Variants in PREPL observed in about 807,000 individuals in gnomAD.
PREPL encodes the protein prolyl endopeptidase like, also known as prolyl endopeptidase-like.
In PREPL, 77 loss-of-function variants were observed where a neutral mutation model predicts 70.6. That is an observed-to-expected ratio of 1.09 (90% CI 0.91 to 1.32). The LOEUF (loss-of-function observed/expected upper bound fraction) is 1.32, where lower values mean the gene tolerates loss of function less well. PREPL is among the 40% of genes most tolerant of loss of function. The pLI, the probability that PREPL is intolerant of heterozygous loss-of-function variation, is 0.00. For missense variants in PREPL, 1,002 were observed against 778.2 expected (o/e 1.29, Z -3.42); for synonymous variants, 315 against 264.8 (o/e 1.19, Z -1.84).
chr2:44,320,398 A>G lies in PREPL; in HGVS notation c.*958T>C. 4 of 1,614,068 alleles carry G rather than the reference A, an allele frequency of 2.5e-6. No homozygotes were observed. Among genetic ancestry groups the G allele is most frequent in the Non-Finnish European group, 3.4e-6 (4 of 1,179,912 alleles). ...AATTTTGGAGAATCAACACTGTTAAATCTACATAATATGATTTCGGGCCTT... is the reference window on the plus strand; with the variant it reads ...AATTTTGGAGAATCAACACTGTTAAGTCTACATAATATGATTTCGGGCCTT... On this transcript the variant is annotated 3_prime_UTR_variant, in exon 14 of 14. Coordinates refer to ENST00000409411, the MANE Select transcript of PREPL (RefSeq NM_001171613.2).
Position 44,319,115 on chromosome 2 carries a change from T to C in PREPL, c.*2241A>G, listed in dbSNP as rs1200113351. On this transcript the variant is annotated 3_prime_UTR_variant, in exon 14 of 14. Coordinates refer to ENST00000409411, the MANE Select transcript of PREPL (RefSeq NM_001171613.2). Reference sequence around the variant, plus strand: ...GTCATACATGTATCATAAATATCTTTGTACCTGACAAACAGAATAAACATC... The same window carrying C: ...GTCATACATGTATCATAAATATCTTCGTACCTGACAAACAGAATAAACATC... The C allele has an allele frequency of 6.6e-6, 1 of 152,618 alleles. No individual in the cohort carries two copies. The highest frequency in any genetic ancestry group is 1.5e-5 in the Non-Finnish European group (1 of 68,040). The allele number at this position is 152,618 out of a possible 1,614,324, so 9.5% of individuals were successfully genotyped here.
intron 1 of PREPL, chr2:44,356,253 G>C (rs1677030157): frequency 6.6e-6 from 1 of 152,200 alleles, no homozygotes; most frequent in Non-Finnish European, 1.5e-5. Context: ...TCAAAAAACA[G>C]ATCTGGGGCC....
intron 9 of PREPL, among the ~76,000 whole-genome samples, chr2:44,327,189 G>A (rs1014486903): frequency 6.6e-6 from 1 of 152,168 alleles, no homozygotes; most frequent in African/African-American, 2.4e-5. Context: ...TTGATTCAAC[G>A]AATATATTTT....
At chr2:44,332,750 A>C (rs745646026) in intron 7 of PREPL, 94 bp from the exon 8 acceptor site, 3 of 1,006,984 alleles carry the variant, frequency 3.0e-6, no homozygotes, top group Admixed American at 2.9e-5. Context: ...GATGATGTGG[A>C]TATCTCGTTT....
At chr2:44,329,950 C>T (rs7560807) in intron 8 of PREPL, among the ~76,000 whole-genome samples, 113,393 of 152,000 alleles carry the variant, frequency 0.75, 43,058 homozygotes, top group Non-Finnish European at 0.79. Context: ...ATAAATAATA[C>T]ATCCAAGTCA....
chr2:44,339,573 C>A (rs1316511366), intron 5 of PREPL, among the ~76,000 whole-genome samples: 1 of 152,176 alleles, frequency 6.6e-6, no homozygotes, highest in East Asian at 1.9e-4. Context: ...AAATAATTTA[C>A]TTCTAACATT....
At position 44,357,264 on chromosome 2, in the gene PREPL, T is replaced by A. The variant is rs559497756; in HGVS notation, c.-49+4116A>T. On this transcript the variant is annotated intron_variant, in intron 1 of 13. Transcript: ENST00000409411. ...TAGGTAATAGCTCTTTAAGCAGACA[T>A]TTTAATTTACCTAAAAGCAGTAACT... Among the ~76,000 whole-genome samples, 3 of 152,362 alleles carry A rather than the reference T, an allele frequency of 2.0e-5. No homozygotes were observed. In the South Asian group the frequency reaches 6.2e-4, roughly 32 times the overall value.
chr2:44,335,831 T>C (rs992415434), intron 7 of PREPL, among the ~76,000 whole-genome samples: 1 of 151,260 alleles, frequency 6.6e-6, no homozygotes, highest in African/African-American at 2.4e-5. Context: ...AAGGAACTTA[T>C]ATTAACAAGC....
Position 44,332,468 on chromosome 2 carries a change from G to C in PREPL, c.1077C>G (p.Ala359=). The C allele has an allele frequency of 6.2e-7, 1 of 1,613,156 alleles. No individual in the cohort carries two copies. Among genetic ancestry groups the C allele is most frequent in the Non-Finnish European group, 8.5e-7 (1 of 1,179,212 alleles). ...TKTSRVLRLE[A]KSKDGKLVPM... ...AGATTATAAGACCTACCTTGCTTTTGGCTTCTAGACGTAAAACGCGACTAG... is the reference window on the plus strand; with the variant it reads ...AGATTATAAGACCTACCTTGCTTTTCGCTTCTAGACGTAAAACGCGACTAG... The change falls in exon 8 of 14, where the codon GCC becomes GCG. Residue 359 remains alanine (A), a synonymous_variant. Coordinates refer to ENST00000409411, the MANE Select transcript of PREPL (RefSeq NM_001171613.2).
chr2:44,339,025 G>T (rs996257549), intron 6 of PREPL, 122 bp downstream of exon 6: 3 of 1,451,702 alleles, frequency 2.1e-6, no homozygotes, highest in African/African-American at 2.9e-5. Flanking sequence ...AATGGGATTG[G>T]TTATACATAG....
rs143700474 is a variant in PREPL at position 44,332,630 on chromosome 2, T to C, written c.915A>G (p.Ile305Met). The change falls in exon 8 of 14, where the codon ATA (isoleucine) becomes ATG (methionine). Residue 305 changes from isoleucine (I) to methionine (M), a missense_variant. Ile to Met is a conservative substitution (Grantham distance 10, BLOSUM62 1). Transcript: ENST00000409411. Reference protein sequence around the residue: ...LKLPPWACGFIMDTNSDPKNC... With the variant: ...LKLPPWACGFMMDTNSDPKNC... ...TCTTTGGGTCAGAATTTGTATCCAT[T>C]ATGAATCCACAGGCCCAAGGAGGGA... 37 of 1,613,704 alleles carry C rather than the reference T, an allele frequency of 2.3e-5. No individual in the cohort carries two copies. The highest frequency in any genetic ancestry group is 4.0e-5 in the African/African-American group (3 of 74,930).
chr2:44,338,173 C>G (rs1315150173), intron 7 of PREPL, among the ~76,000 whole-genome samples, 178 bp downstream of exon 7: 1 of 152,204 alleles, frequency 6.6e-6, no homozygotes, highest in Non-Finnish European at 1.5e-5. Context: ...GCAAGATCCT[C>G]TAAGTAATTC....
Position 44,342,538 on chromosome 2 carries a change from C to G in PREPL, c.364G>C (p.Glu122Gln), listed in dbSNP as rs147671673. The change falls in exon 5 of 14, where the codon GAG (glutamate) becomes CAG (glutamine). Residue 122 changes from glutamate to glutamine, a missense_variant. Physicochemically the swap from Glu to Gln is conservative, Grantham distance 29. Transcript: ENST00000409411. Reference sequence around the variant, plus strand: ...TAGAATAAAACATCTTCATCTTCCTCGTCCTTTACCCATTCTGAAAGAAAA... The same window carrying G: ...TAGAATAAAACATCTTCATCTTCCTGGTCCTTTACCCATTCTGAAAGAAAA... Reference protein sequence around the residue: ...NVSSFEWVKDEEDEDVLFYTF... With the variant: ...NVSSFEWVKDQEDEDVLFYTF... 7.5e-6 allele frequency: 12 copies of G among 1,599,828 alleles called. No individual in the cohort carries two copies. The highest frequency in any genetic ancestry group is 1.4e-5 in the African/African-American group (1 of 72,278).
Position 44,321,178 on chromosome 2 carries a change from G to C in PREPL, c.*178C>G, listed in dbSNP as rs748299302. On this transcript the variant is annotated 3_prime_UTR_variant, in exon 14 of 14. Coordinates refer to ENST00000409411, the MANE Select transcript of PREPL (RefSeq NM_001171613.2). ...AGGTTAATGGGCATGTGCATCAATG[G>C]AGAGAATAGTATAAGCAAGTGAGAT... The C allele has an allele frequency of 1.5e-5, 9 of 597,134 alleles. No homozygotes were observed. The highest frequency in any genetic ancestry group is 2.7e-5 in the Non-Finnish European group (9 of 333,770). The allele number at this position is 597,134 out of a possible 1,614,324, so 37.0% of individuals were successfully genotyped here.
intron 1 of PREPL, among the ~76,000 whole-genome samples, chr2:44,352,538 A>G (rs557038287): frequency 6.6e-6 from 1 of 152,312 alleles, no homozygotes; most frequent in African/African-American, 2.4e-5. Flanking sequence ...TATTACAGGC[A>G]TGACCCATTG....
At chr2:44,329,346 G>GA (rs1673860143) in intron 8 of PREPL, among the ~76,000 whole-genome samples, 1 of 152,146 alleles carries the variant, frequency 6.6e-6, no homozygotes, top group Admixed American at 6.5e-5. Context: ...AGACTGGCCT[G>GA]AAAACATTTT....
At chr2:44,327,044 T>C in intron 9 of PREPL, 116 bp from the exon 10 acceptor site, 1 of 851,946 alleles carries the variant, frequency 1.2e-6, no homozygotes. Flanking sequence ...CTAAGACTGG[T>C]TTTTGCTTTT....
At position 44,318,747 on chromosome 2, in the gene PREPL, A is replaced by G. The variant is rs1408545861; in HGVS notation, c.*2609T>C. ...TATGTATTCTTGTAATTGAATAAAAAATAAAATTACAAAAATCAGGCTTGG... is the reference window on the plus strand; with the variant it reads ...TATGTATTCTTGTAATTGAATAAAAGATAAAATTACAAAAATCAGGCTTGG... On this transcript the variant is annotated 3_prime_UTR_variant, in exon 14 of 14. Coordinates refer to ENST00000409411, the MANE Select transcript of PREPL (RefSeq NM_001171613.2). 1 of 152,230 alleles carries G rather than the reference A, an allele frequency of 6.6e-6. No individual in the cohort carries two copies. The highest frequency in any genetic ancestry group is 6.5e-5 in the Admixed American group (1 of 15,284). The allele number at this position is 152,230 out of a possible 1,614,324, so 9.4% of individuals were successfully genotyped here. A position where few individuals can be genotyped will look rare whatever the true frequency, so the allele number is the denominator to read the frequency against.
At chr2:44,337,763 A>G (rs1674783559) in intron 7 of PREPL, among the ~76,000 whole-genome samples, 1 of 152,224 alleles carries the variant, frequency 6.6e-6, no homozygotes, top group Admixed American at 6.5e-5. Flanking sequence ...TGGTAGCCAC[A>G]AGCAGTATCA....
Sources: gnomAD v4.1 joint callset for allele counts (sites outside exome capture counted in the v4.1 genomes callset) on GRCh38, gnomAD v4.1.1 for gene constraint, MANE v1.5 for transcripts, NCBI Gene and HGNC (gene_info 2026-07-23, HGNC 2026-07-21) for gene names.